RAP1GAP2: variants seen among roughly 807,000 people sequenced by gnomAD.
The protein encoded by RAP1GAP2 is rap1 GTPase-activating protein 2.
In RAP1GAP2, 27 loss-of-function variants were observed where a neutral mutation model predicts 95.0. The observed-to-expected ratio is 0.28, with a 90% CI of 0.21 to 0.39. RAP1GAP2 has a LOEUF of 0.39. RAP1GAP2 is among the 10% of genes least tolerant of loss of function. The probability of loss-of-function intolerance (pLI) is 1.00; values close to 1 mark genes in which losing one functional copy is unlikely to be tolerated. For missense variants in RAP1GAP2, 771 were observed against 970.0 expected (o/e 0.79, Z 2.72); for synonymous variants, 373 against 380.9 (o/e 0.98, Z 0.24).
In RAP1GAP2 at chr17:2,984,710, G is replaced by A. The variant is rs9895069; in HGVS notation, c.730-273G>A. On this transcript the variant is annotated intron_variant, in intron 10 of 24. Coordinates refer to ENST00000254695, the MANE Select transcript of RAP1GAP2 (RefSeq NM_015085.5). ...AGTAAGCTGCTGGACACATGTGCCCGAGCCTTGACTGGCACATCTGGATGG... is the reference window on the plus strand; with the variant it reads ...AGTAAGCTGCTGGACACATGTGCCCAAGCCTTGACTGGCACATCTGGATGG... Among the ~76,000 whole-genome samples, 1,087 of 152,254 alleles carry A rather than the reference G, an allele frequency of 7.1e-3. 13 individuals are homozygous for A. The highest frequency in any genetic ancestry group is 0.024 in the African/African-American group (999 of 41,552).
chr17:2,864,065 AAAAC>A (rs2072522979), intron 2 of RAP1GAP2, among the ~76,000 whole-genome samples: 1 of 124,084 alleles, frequency 8.1e-6, no homozygotes, highest in African/African-American at 3.3e-5. Context: ...TCAAAAAAAA[AAAAC>A]AGTGGCGGCG....
In RAP1GAP2 at chr17:2,872,887, C is replaced by T. The variant is rs150015926; in HGVS notation, c.81-32397C>T. 5.9e-3 allele frequency among the ~76,000 whole-genome samples: 904 copies of T among 152,012 alleles called. 3 individuals carry two copies. The highest frequency in any genetic ancestry group is 0.02 in the South Asian group (94 of 4,788). Reference sequence around the variant, plus strand: ...TTTGTTGCCCAGGCCTGGTCTCAAACTCTTGGGCTCAAGCGATCCTCCAAC... The same window carrying T: ...TTTGTTGCCCAGGCCTGGTCTCAAATTCTTGGGCTCAAGCGATCCTCCAAC... On this transcript the variant is annotated intron_variant, in intron 2 of 24. Coordinates refer to ENST00000254695, the MANE Select transcript of RAP1GAP2 (RefSeq NM_015085.5).
chr17:2,841,449 G>A (rs989833935), intron 2 of RAP1GAP2, among the ~76,000 whole-genome samples: 1 of 151,390 alleles, frequency 6.6e-6, no homozygotes, highest in East Asian at 2.0e-4. Context: ...GACTACAGGC[G>A]CCCGCCACCA....
intron 16 of RAP1GAP2, 77 bp downstream of exon 16, chr17:3,006,118 A>ATTT: frequency 1.4e-6 from 1 of 720,070 alleles, no homozygotes; most frequent in Admixed American, 3.1e-5. Flanking sequence ...GGGCTCCTCC[A>ATTT]TCTTTTTTTT....
intron 3 of RAP1GAP2, among the ~76,000 whole-genome samples, chr17:2,947,055 G>A (rs1455457942): frequency 1.3e-5 from 2 of 152,088 alleles, no homozygotes; most frequent in African/African-American, 4.8e-5. Flanking sequence ...GTGCCCGGCC[G>A]GAAACTGTGT....
intron 8 of RAP1GAP2, among the ~76,000 whole-genome samples, chr17:2,979,324 G>A (rs908412290): frequency 6.6e-6 from 1 of 152,050 alleles, no homozygotes; most frequent in Non-Finnish European, 1.5e-5. Context: ...ATTTCATGAC[G>A]AAACCCAAAT....
chr17:2,980,071 G>C (rs2045297573), intron 8 of RAP1GAP2, among the ~76,000 whole-genome samples: 1 of 151,950 alleles, frequency 6.6e-6, no homozygotes, highest in Non-Finnish European at 1.5e-5. Flanking sequence ...CTCCCAAGTA[G>C]CTGGGATTAC....
In RAP1GAP2 at chr17:2,927,384, A is replaced by G. The variant is rs539710952; in HGVS notation, c.165+22016A>G. Reference sequence around the variant, plus strand: ...TAGCCAGGATGGTCTCGATCTCCTGACCTCGTGATCCGCCCGCCTTGGCCT... The same window carrying G: ...TAGCCAGGATGGTCTCGATCTCCTGGCCTCGTGATCCGCCCGCCTTGGCCT... On this transcript the variant is annotated intron_variant, in intron 3 of 24. Coordinates refer to ENST00000254695, the MANE Select transcript of RAP1GAP2 (RefSeq NM_015085.5). Among the ~76,000 whole-genome samples, 121 of 150,870 alleles carry G rather than the reference A, an allele frequency of 8.0e-4. 3 individuals are homozygous for G. Among genetic ancestry groups the G allele is most frequent in the Non-Finnish European group, 4.1e-4 (28 of 67,846 alleles).
chr17:2,798,308 C>T (rs1348908157), intron 1 of RAP1GAP2, among the ~76,000 whole-genome samples: 3 of 152,118 alleles, frequency 2.0e-5, no homozygotes, highest in South Asian at 4.1e-4. Context: ...CCTGCCCCGT[C>T]GCGTTCACCT....
intron 3 of RAP1GAP2, among the ~76,000 whole-genome samples, chr17:2,943,619 C>G (rs879808923): frequency 1.3e-5 from 2 of 151,850 alleles, no homozygotes; most frequent in African/African-American, 4.8e-5. Flanking sequence ...GAGCTGAGAT[C>G]GTACCAGTGC....
chr17:3,029,786 G>A lies in RAP1GAP2; in HGVS notation c.2108-1136G>A, dbSNP rs12951824. On this transcript the variant is annotated intron_variant, in intron 22 of 24. Transcript: ENST00000254695. This position sits in a 1 kb window ranked among gnomAD's most constrained non-coding sequence, Gnocchi z 4.4. ...GGGCACAGCGGGAAATGTTGACACC[G>A]GGCTCTGCCACCACTCACACACACT... 0.15 allele frequency among the ~76,000 whole-genome samples: 22,692 copies of A among 151,978 alleles called. 1,793 individuals carry two copies. Among genetic ancestry groups the A allele is most frequent in the Middle Eastern group, 0.22 (66 of 294 alleles).
intron 3 of RAP1GAP2, among the ~76,000 whole-genome samples, chr17:2,926,210 G>A (rs1358567598): frequency 6.6e-6 from 1 of 151,908 alleles, no homozygotes; most frequent in Non-Finnish European, 1.5e-5. Flanking sequence ...TACTCATGGA[G>A]ACAGGAGCCA....
intron 8 of RAP1GAP2, among the ~76,000 whole-genome samples, chr17:2,978,511 C>T (rs188518048): frequency 3.3e-5 from 5 of 152,208 alleles, no homozygotes; most frequent in East Asian, 3.9e-4. Context: ...CTATTCAGGA[C>T]GGCACAAAAT....
At position 3,026,902 on chromosome 17, in the gene RAP1GAP2, C is replaced by T. The variant is rs751103900; in HGVS notation, c.1981-42C>T. 1.0e-5 allele frequency: 16 copies of T among 1,537,730 alleles called. No individual in the cohort carries two copies. The South Asian group carries it at 1.7e-4, about 16-fold the overall frequency. ...CCTCAGGCCTGCGTGGGCGCAGCTGCCGAGGGTGGGCTGGCCTCGCTCACC... is the reference window on the plus strand; with the variant it reads ...CCTCAGGCCTGCGTGGGCGCAGCTGTCGAGGGTGGGCTGGCCTCGCTCACC... On this transcript the variant is annotated intron_variant, in intron 21 of 24. Coordinates refer to ENST00000254695, the MANE Select transcript of RAP1GAP2 (RefSeq NM_015085.5).
rs559902179 is a variant in RAP1GAP2, at chr17:2,973,100, G to A, written c.597-7187G>A. Among the ~76,000 whole-genome samples the A allele has an allele frequency of 3.3e-5, 5 of 152,264 alleles. No individual in the cohort carries two copies. The South Asian group carries it at 8.3e-4, about 25-fold the overall frequency. On this transcript the variant is annotated intron_variant, in intron 8 of 24. Transcript: ENST00000254695. ...AGTGTGTGTAGGGTTGATAAATGAT[G>A]CTAGAGAAGTAAGAAAAGGCTAGAT...
At chr17:3,024,842 A>G (rs755679926) in intron 19 of RAP1GAP2, among the ~76,000 whole-genome samples, 1 of 152,258 alleles carries the variant, frequency 6.6e-6, no homozygotes, top group Non-Finnish European at 1.5e-5. Flanking sequence ...ATTTACATGA[A>G]TGTCCAGAAG....
chr17:2,788,790 T>A (rs2068851494), intron 1 of RAP1GAP2, among the ~76,000 whole-genome samples: 1 of 152,160 alleles, frequency 6.6e-6, no homozygotes, highest in Non-Finnish European at 1.5e-5. Context: ...TCTCCTTTCC[T>A]CCACATTTTT....
At chr17:2,820,586 C>A (rs1251092717) in intron 2 of RAP1GAP2, among the ~76,000 whole-genome samples, 1 of 148,794 alleles carries the variant, frequency 6.7e-6, no homozygotes, top group Non-Finnish European at 1.5e-5. Flanking sequence ...CATCACTGCA[C>A]TCCAGCCTGG....
chr17:2,962,657 C>G lies in RAP1GAP2; in HGVS notation c.202-13C>G. 6.3e-7 allele frequency: 1 copy of G among 1,579,714 alleles called. No individual in the cohort carries two copies. The highest frequency in any genetic ancestry group is 8.6e-7 in the Non-Finnish European group (1 of 1,163,788). On this transcript the variant is annotated splice_polypyrimidine_tract_variant and intron_variant, in intron 4 of 24. Coordinates refer to ENST00000254695, the MANE Select transcript of RAP1GAP2 (RefSeq NM_015085.5). ...TTGCTTTTCTGTGGATCCTGTTTTC[C>G]TTGTTTCTATAGGGGATCAAGCTTG...
Sources: allele counts gnomAD v4.1 joint callset (sites outside exome capture counted in the v4.1 genomes callset), GRCh38; gene constraint gnomAD v4.1.1; non-coding constraint Gnocchi (gnomAD v3.1); transcripts MANE v1.5; gene names NCBI Gene and HGNC (gene_info 2026-07-23, HGNC 2026-07-21).